Variants in PEAK1 observed in about 807,000 individuals in gnomAD.
The protein encoded by PEAK1 is inactive tyrosine-protein kinase PEAK1.
PEAK1 carries 54 observed loss-of-function variants against 124.7 expected under a neutral mutation model. That is an observed-to-expected ratio of 0.43 (90% confidence interval 0.35 to 0.54). PEAK1 has a LOEUF of 0.54. PEAK1 is among the 20% of genes least tolerant of loss of function. PEAK1 has a pLI of 0.01. For missense variants in PEAK1, 2,046 were observed against 2,134.5 expected, an observed-to-expected ratio of 0.96 and a Z score of 0.82; for synonymous variants, 719 against 760.0, an observed-to-expected ratio of 0.95 and a Z score of 0.89.
intron 1 of PEAK1, among the ~76,000 whole-genome samples, chr15:77,393,777 G>A (rs1323860034): frequency 6.6e-6 from 1 of 152,204 alleles, no homozygotes; most frequent in Non-Finnish European, 1.5e-5. Context: ...TTGTCTTACA[G>A]CTTACCAGTG....
intron 2 of PEAK1, among the ~76,000 whole-genome samples, chr15:77,343,568 C>A (rs546263628): frequency 6.7e-6 from 1 of 150,208 alleles, no homozygotes; most frequent in Non-Finnish European, 1.5e-5. Context: ...CTTACTGCAA[C>A]GTCCACCCCC....
At position 77,255,933 on chromosome 15, in the gene PEAK1, T is replaced by C. The variant is rs547686458; in HGVS notation, c.-274-3407A>G. Among the ~76,000 whole-genome samples, 15 of 152,200 alleles carry C rather than the reference T, an allele frequency of 9.9e-5. No individual in the cohort carries two copies. In the South Asian group the frequency reaches 2.9e-3, roughly 29 times the overall value. On this transcript the variant is annotated intron_variant, in intron 5 of 9. Coordinates refer to ENST00000682557, the MANE Select transcript of PEAK1 (RefSeq NM_001385026.1). ...TGTATTTTGTGTTGTAACTGGGTAA[T>C]AGGGTCATGTGAAAGACATTATAGA...
At chr15:77,314,266 G>A (rs1177257355) in intron 2 of PEAK1, among the ~76,000 whole-genome samples, 1 of 150,944 alleles carries the variant, frequency 6.6e-6, no homozygotes. Context: ...CTCAAATCCT[G>A]TTCCAATGAA....
intron 2 of PEAK1, among the ~76,000 whole-genome samples, chr15:77,292,477 A>C (rs769978677): frequency 2.1e-4 from 32 of 152,148 alleles, no homozygotes; most frequent in Non-Finnish European, 3.8e-4. Context: ...TTTGCTTAAA[A>C]AAGCAAAATT....
Position 77,178,772 on chromosome 15 carries a change from C to A in PEAK1, c.3137+18G>T. The A allele has an allele frequency of 6.3e-7, 1 of 1,593,288 alleles. No individual in the cohort carries two copies. Among genetic ancestry groups the A allele is most frequent in the South Asian group, 1.1e-5 (1 of 88,110 alleles). Reference sequence around the variant, plus strand: ...TGTGTTAAAAAATTCCCATATTCTTCCAGTCTATTTTACATACCTGAGAAT... The same window carrying A: ...TGTGTTAAAAAATTCCCATATTCTTACAGTCTATTTTACATACCTGAGAAT... On this transcript the variant is annotated intron_variant, in intron 7 of 9. Coordinates refer to ENST00000682557, the MANE Select transcript of PEAK1 (RefSeq NM_001385026.1).
intron 7 of PEAK1, among the ~76,000 whole-genome samples, chr15:77,168,548 C>CT (rs2056288283): frequency 6.6e-6 from 1 of 152,162 alleles, no homozygotes; most frequent in Non-Finnish European, 1.5e-5. Context: ...ACTTATTTTA[C>CT]AGAAACAGGT....
At chr15:77,361,221 C>A (rs1440468917) in intron 2 of PEAK1, among the ~76,000 whole-genome samples, 1 of 152,080 alleles carries the variant, frequency 6.6e-6, no homozygotes, top group Non-Finnish European at 1.5e-5. Context: ...TATAAATGAA[C>A]ATTTTTCAAA....
At chr15:77,335,947 A>G (rs2066172551) in intron 2 of PEAK1, 14 of 985,440 alleles carry the variant, frequency 1.4e-5, no homozygotes, top group Non-Finnish European at 1.7e-5. Context: ...TCTTTCTGGG[A>G]AATCTTTTAC....
rs375020446 is a variant in PEAK1 at position 77,256,968 on chromosome 15, C to T, written c.-274-4442G>A. ...TTCAATTCCCACCTATGAGTGAGAACATGCGGTGTTTGGTTTTTTGTCCTT... is the reference window on the plus strand; with the variant it reads ...TTCAATTCCCACCTATGAGTGAGAATATGCGGTGTTTGGTTTTTTGTCCTT... On this transcript the variant is annotated intron_variant, in intron 5 of 9. Transcript: ENST00000682557. 3.5e-3 allele frequency among the ~76,000 whole-genome samples: 493 copies of T among 142,494 alleles called. 4 individuals are homozygous for T. The highest frequency in any genetic ancestry group is 6.2e-3 in the Admixed American group (80 of 12,890). 93.5% of individuals were successfully genotyped at this position (142,494 alleles called of 152,430 possible). A position where few individuals can be genotyped will look rare whatever the true frequency, so the allele number is the denominator to read the frequency against.
At chr15:77,274,213 T>C (rs1364620653) in intron 5 of PEAK1, among the ~76,000 whole-genome samples, 3 of 152,138 alleles carry the variant, frequency 2.0e-5, no homozygotes, top group Admixed American at 2.0e-4. Flanking sequence ...GACACTGGCT[T>C]ACGCAAAGAC....
chr15:77,323,318 A>C (rs1457092924), intron 2 of PEAK1, among the ~76,000 whole-genome samples: 3 of 151,826 alleles, frequency 2.0e-5, no homozygotes, highest in African/African-American at 7.2e-5. Context: ...AAGGGTATTC[A>C]ATTAGGAAAA....
chr15:77,133,172 T>G lies in PEAK1; in HGVS notation c.3910A>C (p.Lys1304Gln). 2 of 1,614,250 alleles carry G rather than the reference T, an allele frequency of 1.2e-6. No homozygotes were observed. Among genetic ancestry groups the G allele is most frequent in the Non-Finnish European group, 1.7e-6 (2 of 1,180,038 alleles). Reference protein sequence around the residue: ...HTDALKKLAVKCEDLFMAGQK... With the variant: ...HTDALKKLAVQCEDLFMAGQK... The stretch of plus-strand genomic sequence containing the variant: ...CCAGCCATGAAAAGGTCTTCGCATT[T>G]AACAGCCAGTTTCTTCAAGGCATCT... The change falls in exon 9 of 10, where the codon AAA (lysine) becomes CAA (glutamine). Residue 1304 changes from lysine (K) to glutamine (Q), a missense_variant. Transcript: ENST00000682557. This position sits in a 1 kb window ranked among gnomAD's most constrained non-coding sequence, Gnocchi z 4.2.
intron 2 of PEAK1, among the ~76,000 whole-genome samples, chr15:77,305,895 A>G (rs1597210525): frequency 1.3e-5 from 2 of 152,074 alleles, no homozygotes; most frequent in Non-Finnish European, 2.9e-5. Flanking sequence ...TTATTTTCAA[A>G]TATTTTTAAT....
rs201728159 is a variant in PEAK1, at chr15:77,180,655, T to C, written c.1272A>G (p.Lys424=). ...KAVLALRLEE[K]DGKIAVQTEK... ...CAGTTTGTACAGCAATCTTGCCATC[T>C]TTCTCTTCTAATCGGAGAGCAAGGA... The change falls in exon 7 of 10, where the codon AAA becomes AAG. Residue 424 remains lysine (K), a synonymous_variant. Transcript: ENST00000682557. 1.5e-3 allele frequency: 2,345 copies of C among 1,614,212 alleles called. 7 individuals carry two copies. Among genetic ancestry groups the C allele is most frequent in the Non-Finnish European group, 1.9e-3 (2,191 of 1,180,030 alleles).
chr15:77,132,656 T>C (rs963845529), intron 9 of PEAK1, among the ~76,000 whole-genome samples: 4 of 149,310 alleles, frequency 2.7e-5, no homozygotes, highest in Non-Finnish European at 4.4e-5. Flanking sequence ...GATTGCACCA[T>C]TGCATTCCAC....
intron 5 of PEAK1, among the ~76,000 whole-genome samples, chr15:77,254,758 T>A (rs570735983): frequency 2.0e-5 from 3 of 152,140 alleles, no homozygotes; most frequent in Non-Finnish European, 4.4e-5. Flanking sequence ...TGCATCCTTC[T>A]AGTCAACCAC....
intron 1 of PEAK1, chr15:77,417,702 C>T (rs2073002035): frequency 1.0e-6 from 1 of 985,412 alleles, no homozygotes; most frequent in Non-Finnish European, 1.2e-6. Context: ...GGCCCAGCAC[C>T]CGTTCCACTT....
chr15:77,107,207 T>C (rs12905519), downstream of PEAK1: 14,146 of 152,380 alleles, frequency 0.093, 722 homozygotes, highest in Admixed American at 0.1. Flanking sequence ...AGGGAAGTTC[T>C]CTAGGCTCTT....
At chr15:77,413,671 A>G (rs942093889) in intron 1 of PEAK1, among the ~76,000 whole-genome samples, 2 of 152,240 alleles carry the variant, frequency 1.3e-5, no homozygotes, top group East Asian at 1.9e-4. Flanking sequence ...CAGAATGGAA[A>G]AAGAATACTA....
Sources: allele counts gnomAD v4.1 joint callset (sites outside exome capture counted in the v4.1 genomes callset), GRCh38; gene constraint gnomAD v4.1.1; non-coding constraint Gnocchi (gnomAD v3.1); transcripts MANE v1.5; gene names NCBI Gene and HGNC (gene_info 2026-07-23, HGNC 2026-07-21).